SEPTIN7: variants seen among roughly 807,000 people sequenced by gnomAD.
SEPTIN7 encodes septin 7, also known as septin-7.
Under a neutral mutation model 63.3 loss-of-function variants are expected in SEPTIN7, and 10 were observed. That is an observed-to-expected ratio of 0.16 (90% CI 0.10 to 0.27). The LOEUF (loss-of-function observed/expected upper bound fraction) is 0.27. Ranked by LOEUF, SEPTIN7 falls within the 10% of genes least tolerant of loss-of-function variation. SEPTIN7 has a pLI of 1.00. For missense variants in SEPTIN7, 310 were observed against 521.0 expected (o/e 0.59, Z 3.94); for synonymous variants, 131 against 165.3 (o/e 0.79, Z 1.59).
At chr7:35,910,072 A>G (rs1353578383), downstream of SEPTIN7, among the ~76,000 whole-genome samples, 1 of 152,212 alleles carries the variant, frequency 6.6e-6, no homozygotes, top group East Asian at 1.9e-4. Flanking sequence ...ACCTCTCCAC[A>G]GGGCTGCTTG....
intron 6 of SEPTIN7, among the ~76,000 whole-genome samples, chr7:35,874,515 C>T (rs1786352258): frequency 6.6e-6 from 1 of 152,086 alleles, no homozygotes; most frequent in Admixed American, 6.6e-5. Context: ...ATATATAATT[C>T]AGCCACCTGA....
chr7:35,866,618 T>A (rs1168234787), intron 4 of SEPTIN7, among the ~76,000 whole-genome samples: 1 of 152,234 alleles, frequency 6.6e-6, no homozygotes, highest in African/African-American at 2.4e-5. Context: ...TTCATTCACA[T>A]TCACAGTCTT....
At chr7:35,822,682 T>G (rs753683054) in intron 1 of SEPTIN7, among the ~76,000 whole-genome samples, 1 of 152,174 alleles carries the variant, frequency 6.6e-6, no homozygotes, top group Non-Finnish European at 1.5e-5. Flanking sequence ...GGCCTGGAAG[T>G]TGGGGACCCC....
intron 3 of SEPTIN7, among the ~76,000 whole-genome samples, chr7:35,857,312 A>G (rs191505044): frequency 1.7e-3 from 259 of 152,292 alleles, no homozygotes; most frequent in Non-Finnish European, 1.8e-3. Flanking sequence ...TGGCCAAATG[A>G]TACCCTTTAT....
intron 3 of SEPTIN7, among the ~76,000 whole-genome samples, chr7:35,851,638 T>C (rs1562548902): frequency 6.6e-6 from 1 of 152,176 alleles, no homozygotes; most frequent in Non-Finnish European, 1.5e-5. Flanking sequence ...TGTGTTTAAG[T>C]AGAGTTTGAT....
At chr7:35,891,936 T>G (rs954347773) in intron 11 of SEPTIN7, among the ~76,000 whole-genome samples, 19 of 152,152 alleles carry the variant, frequency 1.2e-4, no homozygotes, top group Non-Finnish European at 2.1e-4. Context: ...CATTTATACC[T>G]TTTTTTGTTG....
At chr7:35,807,449 C>A (rs1220181093) in intron 1 of SEPTIN7, among the ~76,000 whole-genome samples, 1 of 144,434 alleles carries the variant, frequency 6.9e-6, no homozygotes, top group African/African-American at 2.6e-5. Flanking sequence ...GTAAGAAGGT[C>A]TGCCTCCCGG....
chr7:35,910,019 C>A (rs1442499887), downstream of SEPTIN7, among the ~76,000 whole-genome samples: 1 of 152,202 alleles, frequency 6.6e-6, no homozygotes, highest in East Asian at 1.9e-4. Flanking sequence ...ACTGACATCA[C>A]TGGCAAGTTG....
intron 3 of SEPTIN7, among the ~76,000 whole-genome samples, chr7:35,833,983 G>A (rs868324436): frequency 2.8e-4 from 43 of 152,024 alleles, no homozygotes; most frequent in Middle Eastern, 6.8e-3. Flanking sequence ...ATACTTTATA[G>A]CATTGGTTAC....
intron 3 of SEPTIN7, among the ~76,000 whole-genome samples, chr7:35,854,349 TG>T (rs1293151425): frequency 6.6e-6 from 1 of 152,228 alleles, no homozygotes; most frequent in African/African-American, 2.4e-5. Flanking sequence ...CTAGAGGATT[TG>T]GGGATTCAAA....
the SEPTIN7 span, among the ~76,000 whole-genome samples, chr7:35,912,610 G>A: frequency 1.2e-4 from 18 of 152,144 alleles, no homozygotes; most frequent in Non-Finnish European, 1.6e-4. Context: ...GAGTCTCCCC[G>A]ACTGAGCTGG....
At chr7:35,810,267 C>T (rs146211565) in intron 1 of SEPTIN7, among the ~76,000 whole-genome samples, 7 of 150,994 alleles carry the variant, frequency 4.6e-5, no homozygotes, top group East Asian at 1.9e-4. Flanking sequence ...TGTGAAACTT[C>T]GTTGTCCTTC....
At chr7:35,877,318 G>A (rs1786532802) in intron 6 of SEPTIN7, among the ~76,000 whole-genome samples, 1 of 152,106 alleles carries the variant, frequency 6.6e-6, no homozygotes, top group Non-Finnish European at 1.5e-5. Flanking sequence ...CTCCATGTTT[G>A]CTTTCTCCCC....
At chr7:35,862,509 TAAG>T (rs1242943054) in intron 3 of SEPTIN7, among the ~76,000 whole-genome samples, 2 of 152,188 alleles carry the variant, frequency 1.3e-5, no homozygotes, top group Non-Finnish European at 2.9e-5. Flanking sequence ...GTATAAGAGT[TAAG>T]AAAGAATCGA....
At chr7:35,864,285 G>A (rs1785675788) in intron 4 of SEPTIN7, among the ~76,000 whole-genome samples, 1 of 151,982 alleles carries the variant, frequency 6.6e-6, no homozygotes, top group African/African-American at 2.4e-5. Context: ...CCAATCCTCG[G>A]TATCCTGTTA....
At chr7:35,884,024 C>G in intron 9 of SEPTIN7, 37 bp downstream of exon 9, 1 of 1,274,770 alleles carries the variant, frequency 7.8e-7, no homozygotes, top group Non-Finnish European at 1.1e-6. Context: ...TCTAAAATAT[C>G]TCAAAACTGA....
At chr7:35,857,831 G>A (rs1437640482) in intron 3 of SEPTIN7, among the ~76,000 whole-genome samples, 1 of 151,980 alleles carries the variant, frequency 6.6e-6, no homozygotes, top group Non-Finnish European at 1.5e-5. Flanking sequence ...ATACTGTTTA[G>A]AATAAAGGGA....
intron 3 of SEPTIN7, among the ~76,000 whole-genome samples, chr7:35,844,042 G>T (rs191997339): frequency 2.0e-5 from 3 of 152,144 alleles, no homozygotes; most frequent in Non-Finnish European, 4.4e-5. Context: ...TAGCATGCTT[G>T]TCCTGGTTCA....
chr7:35,845,231 T>C (rs928130434), intron 3 of SEPTIN7, among the ~76,000 whole-genome samples: 3 of 152,056 alleles, frequency 2.0e-5, no homozygotes, highest in Non-Finnish European at 4.4e-5. Context: ...GTACTACATA[T>C]ATATATTATA....
Sources: gnomAD v4.1 joint callset for allele counts (sites outside exome capture counted in the v4.1 genomes callset) on GRCh38, gnomAD v4.1.1 for gene constraint, MANE v1.5 for transcripts, NCBI Gene and HGNC (gene_info 2026-07-23, HGNC 2026-07-21) for gene names.